TOX: variants seen among roughly 807,000 people sequenced by gnomAD.
The protein encoded by TOX is thymocyte selection associated high mobility group box.
A neutral mutation model predicts 53.7 loss-of-function variants in TOX; 11 were observed. The observed-to-expected ratio is 0.20, with a 90% CI of 0.13 to 0.34. TOX has a LOEUF of 0.34. Ranked by LOEUF, TOX falls within the 10% of genes least tolerant of loss-of-function variation. The probability of loss-of-function intolerance (pLI) is 1.00; values close to 1 mark genes in which losing one functional copy is unlikely to be tolerated. For synonymous variants in TOX, 225 were observed against 245.3 expected (o/e 0.92, Z 0.77); for missense variants, 570 against 664.6 (o/e 0.86, Z 1.56).
chr8:58,875,643 C>G (rs971279142), intron 3 of TOX, among the ~76,000 whole-genome samples: 18 of 152,120 alleles, frequency 1.2e-4, no homozygotes, highest in African/African-American at 3.9e-4. Context: ...GGTTCAGTAT[C>G]TTTGAAATTT....
At chr8:59,035,358 C>A (rs1482361688) in intron 1 of TOX, among the ~76,000 whole-genome samples, 1 of 152,108 alleles carries the variant, frequency 6.6e-6, no homozygotes, top group Non-Finnish European at 1.5e-5. Flanking sequence ...CAAATTATGT[C>A]TACCTTCCAT....
At chr8:59,032,407 T>G (rs1244097161) in intron 1 of TOX, among the ~76,000 whole-genome samples, 1 of 152,220 alleles carries the variant, frequency 6.6e-6, no homozygotes, top group Non-Finnish European at 1.5e-5. Context: ...TATTCACTAT[T>G]ATTAATGACT....
At chr8:59,002,758 A>G (rs1813717328) in intron 1 of TOX, among the ~76,000 whole-genome samples, 1 of 152,218 alleles carries the variant, frequency 6.6e-6, no homozygotes. Flanking sequence ...AATGGTCAAT[A>G]AGACAAATAT....
intron 1 of TOX, among the ~76,000 whole-genome samples, chr8:58,960,256 C>T (rs1036223241): frequency 2.0e-5 from 3 of 152,076 alleles, no homozygotes; most frequent in African/African-American, 7.2e-5. Flanking sequence ...AGCAAGCAAG[C>T]AAGAAATGAA....
chr8:58,847,573 C>A (rs1470414043), intron 4 of TOX, among the ~76,000 whole-genome samples: 17 of 151,954 alleles, frequency 1.1e-4, no homozygotes, highest in Admixed American at 1.1e-3. Context: ...CTGAGAATAA[C>A]AGCATGAGAA....
intron 3 of TOX, among the ~76,000 whole-genome samples, chr8:58,926,370 G>A (rs1812159968): frequency 1.3e-5 from 2 of 152,128 alleles, no homozygotes; most frequent in African/African-American, 4.8e-5. Context: ...CTGCTCCCTT[G>A]GGACTTGGCC....
chr8:59,077,047 C>T (rs568661286), intron 1 of TOX, among the ~76,000 whole-genome samples: 5 of 152,202 alleles, frequency 3.3e-5, no homozygotes, highest in African/African-American at 4.8e-5. Context: ...TTGAAGGCAG[C>T]GGAGTGAACA....
At position 59,102,151 on chromosome 8, in the gene TOX, A is replaced by G. The variant is rs532945171; in HGVS notation, c.102+16735T>C. Among the ~76,000 whole-genome samples the G allele has an allele frequency of 1.8e-4, 27 of 152,346 alleles. No individual in the cohort carries two copies. In the South Asian group the frequency reaches 4.6e-3, roughly 26 times the overall value. On this transcript the variant is annotated intron_variant, in intron 1 of 8. Transcript: ENST00000361421. ...AGGTCTCATAATCATGGCAGAAAGC[A>G]AGGAGGAGCAAGTCACATCTTATGT...
intron 1 of TOX, among the ~76,000 whole-genome samples, chr8:59,089,218 G>A (rs950725440): frequency 3.9e-5 from 6 of 152,310 alleles, no homozygotes; most frequent in South Asian, 4.1e-4. Flanking sequence ...TGTAGCTTAC[G>A]TGTTTACAGG....
At chr8:58,989,427 G>A (rs1334632528) in intron 1 of TOX, among the ~76,000 whole-genome samples, 1 of 152,196 alleles carries the variant, frequency 6.6e-6, no homozygotes, top group Non-Finnish European at 1.5e-5. Context: ...TCAACCGGAT[G>A]TTGAGATGCA....
At chr8:58,808,967 T>A (rs1405490307) in intron 7 of TOX, among the ~76,000 whole-genome samples, 2 of 152,378 alleles carry the variant, frequency 1.3e-5, no homozygotes, top group East Asian at 3.9e-4. Context: ...TAATCAGACT[T>A]CAGGAAGATT....
At chr8:58,937,044 T>C (rs10104748) in intron 3 of TOX, among the ~76,000 whole-genome samples, 2,001 of 152,294 alleles carry the variant, frequency 0.013, 57 homozygotes, top group African/African-American at 0.046. Context: ...CCTTACCCAC[T>C]GTCTCACCAA....
At chr8:59,055,049 G>T (rs1029110129) in intron 1 of TOX, among the ~76,000 whole-genome samples, 1 of 152,012 alleles carries the variant, frequency 6.6e-6, no homozygotes, top group African/African-American at 2.4e-5. Flanking sequence ...AATCTAACTA[G>T]CTTCATTGTA....
intron 1 of TOX, among the ~76,000 whole-genome samples, chr8:59,032,048 T>A (rs148129584): frequency 0.013 from 1,949 of 152,252 alleles, 21 homozygotes; most frequent in Middle Eastern, 0.078. Flanking sequence ...AAGTGGAAAA[T>A]CAAGGAGACT....
In TOX at chr8:59,017,126, C is replaced by T. The variant is rs899908180; in HGVS notation, c.103-57118G>A. On this transcript the variant is annotated intron_variant, in intron 1 of 8. Coordinates refer to ENST00000361421, the MANE Select transcript of TOX (RefSeq NM_014729.3). ...TGCCTCCACCAGGCTGCGAGGACAT[C>T]GTCTAGCTTATCTAAACAATTCTAA... Among the ~76,000 whole-genome samples, 47 of 152,222 alleles carry T rather than the reference C, an allele frequency of 3.1e-4. 1 individual carries two copies. Among genetic ancestry groups the T allele is most frequent in the Non-Finnish European group, 2.9e-5 (2 of 68,040 alleles).
In TOX at chr8:59,084,893, C is replaced by G. The variant is rs534478966; in HGVS notation, c.102+33993G>C. Among the ~76,000 whole-genome samples, 4 of 152,156 alleles carry G rather than the reference C, an allele frequency of 2.6e-5. No individual in the cohort carries two copies. The South Asian group carries it at 8.3e-4, about 32-fold the overall frequency. ...ATTTTAAACATTCTCTACCCAAATC[C>G]CAAACTAAAATACAATTTTCCAAGT... On this transcript the variant is annotated intron_variant, in intron 1 of 8. Transcript: ENST00000361421.
chr8:59,105,443 T>C (rs1456641449), intron 1 of TOX, among the ~76,000 whole-genome samples: 1 of 151,964 alleles, frequency 6.6e-6, no homozygotes, highest in Non-Finnish European at 1.5e-5. Flanking sequence ...ATTAGAAAAA[T>C]GTCACCCCGC....
At chr8:58,892,626 G>A (rs553964771) in intron 3 of TOX, among the ~76,000 whole-genome samples, 2 of 152,200 alleles carry the variant, frequency 1.3e-5, no homozygotes, top group Admixed American at 6.5e-5. Flanking sequence ...AGTTAACTGA[G>A]AGATATGTAA....
chr8:58,994,311 A>G (rs1228450874), intron 1 of TOX, among the ~76,000 whole-genome samples: 1 of 152,084 alleles, frequency 6.6e-6, no homozygotes, highest in Non-Finnish European at 1.5e-5. Flanking sequence ...GAATGACTAG[A>G]ACACACACGT....
Sources: allele counts gnomAD v4.1 joint callset (sites outside exome capture counted in the v4.1 genomes callset), GRCh38; gene constraint gnomAD v4.1.1; transcripts MANE v1.5; gene names NCBI Gene and HGNC (gene_info 2026-07-23, HGNC 2026-07-21).